Variants in DSCAM observed in about 807,000 individuals in gnomAD.
The protein encoded by DSCAM is DS cell adhesion molecule.
DSCAM carries 47 observed loss-of-function variants against 217.7 expected under a neutral mutation model. That is an observed-to-expected ratio of 0.22 (90% CI 0.17 to 0.28). DSCAM has a LOEUF of 0.28. Ranked by LOEUF, DSCAM falls within the 10% of genes least tolerant of loss-of-function variation. DSCAM has a pLI of 1.00. For missense variants in DSCAM, 2,080 were observed against 2,618.3 expected (o/e 0.79, Z 4.49); for synonymous variants, 1,056 against 1,015.3 (o/e 1.04, Z -0.76).
chr21:40,446,554 G>C (rs189722490), intron 3 of DSCAM, among the ~76,000 whole-genome samples: 1 of 152,150 alleles, frequency 6.6e-6, no homozygotes, highest in East Asian at 1.9e-4. Context: ...AAGGAAGAGC[G>C]ATTCCCAGTC....
rs563071108 is a variant in DSCAM, at chr21:40,181,413, G to A, written c.2780-2319C>T. On this transcript the variant is annotated intron_variant, in intron 14 of 32. Transcript: ENST00000400454. ...GCCCAGAAACCTGTGCTTTTAAAAA[G>A]GCTCCCTATCTTGGTCATTCCGATG... Among the ~76,000 whole-genome samples the A allele has an allele frequency of 9.2e-5, 14 of 152,172 alleles. No individual in the cohort carries two copies. In the South Asian group the frequency reaches 1.5e-3, roughly 16 times the overall value.
intron 1 of DSCAM, among the ~76,000 whole-genome samples, chr21:40,778,777 C>A (rs997149928): frequency 6.6e-6 from 1 of 151,990 alleles, no homozygotes; most frequent in African/African-American, 2.4e-5. Context: ...GTAATCCCAG[C>A]ACTTTGGGAG....
intron 15 of DSCAM, among the ~76,000 whole-genome samples, chr21:40,177,009 T>C (rs985258192): frequency 6.6e-6 from 1 of 152,224 alleles, no homozygotes; most frequent in Admixed American, 6.5e-5. Flanking sequence ...AAATGCTGTT[T>C]TCCCGAGGAG....
At chr21:40,181,412 A>G (rs2090799710) in intron 14 of DSCAM, among the ~76,000 whole-genome samples, 1 of 152,140 alleles carries the variant, frequency 6.6e-6, no homozygotes, top group African/African-American at 2.4e-5. Context: ...GCTTTTAAAA[A>G]GGCTCCCTAT....
At chr21:40,311,960 T>TTTTTTTAAA in intron 9 of DSCAM, 121 bp downstream of exon 9, 1 of 321,030 alleles carries the variant, frequency 3.1e-6, no homozygotes, top group Non-Finnish European at 4.8e-6. Flanking sequence ...TTTTTTTTTT[T>TTTTTTTAAA]AGTGAGATAA....
intron 27 of DSCAM, among the ~76,000 whole-genome samples, chr21:40,064,719 G>A (rs1433620284): frequency 6.6e-6 from 1 of 152,174 alleles, no homozygotes; most frequent in Non-Finnish European, 1.5e-5. Context: ...TCGGAATTAT[G>A]AGCCCATTTG....
At chr21:40,519,793 G>A (rs76008165) in intron 3 of DSCAM, among the ~76,000 whole-genome samples, 2,599 of 152,060 alleles carry the variant, frequency 0.017, 58 homozygotes, top group African/African-American at 0.04. Context: ...ATGCCAGCTC[G>A]ACAATTGTGT....
At chr21:40,782,246 A>T (rs1238526729) in intron 1 of DSCAM, among the ~76,000 whole-genome samples, 1 of 152,118 alleles carries the variant, frequency 6.6e-6, no homozygotes, top group Middle Eastern at 3.4e-3. Context: ...TCCAAGCCCA[A>T]CTCCAATGGT....
At chr21:40,324,132 G>GAAA (rs796310854) in intron 8 of DSCAM, among the ~76,000 whole-genome samples, 1 of 80,162 alleles carries the variant, frequency 1.2e-5, no homozygotes, top group African/African-American at 4.9e-5. Context: ...AAAAAAAAAA[G>GAAA]AAAAAAAAAA....
At chr21:40,368,012 C>A (rs984828472) in intron 4 of DSCAM, among the ~76,000 whole-genome samples, 2 of 152,106 alleles carry the variant, frequency 1.3e-5, no homozygotes, top group African/African-American at 4.8e-5. Flanking sequence ...ATTTAAAAAT[C>A]AACACTTGAT....
intron 3 of DSCAM, among the ~76,000 whole-genome samples, chr21:40,664,660 C>T (rs956529955): frequency 1.3e-5 from 2 of 152,214 alleles, no homozygotes; most frequent in Admixed American, 1.3e-4. Context: ...GCTCCACAGA[C>T]GTGGAGTGCC....
intron 3 of DSCAM, chr21:40,384,852 GAAAAAGTACCAA>G (rs2075066898): frequency 6.6e-6 from 1 of 152,014 alleles, no homozygotes; most frequent in African/African-American, 2.4e-5. Context: ...TTATTTAACT[GAAAAAGTACCAA>G]TCACCCACAT....
At chr21:40,400,170 G>A (rs559989539) in intron 3 of DSCAM, among the ~76,000 whole-genome samples, 4 of 152,182 alleles carry the variant, frequency 2.6e-5, no homozygotes, top group Non-Finnish European at 5.9e-5. Flanking sequence ...ACCATAAAGA[G>A]GTTTCATTAT....
At chr21:40,590,799 T>C (rs1354871090) in intron 3 of DSCAM, among the ~76,000 whole-genome samples, 1 of 152,166 alleles carries the variant, frequency 6.6e-6, no homozygotes, top group African/African-American at 2.4e-5. Flanking sequence ...TAGAGGGGTA[T>C]TGCCCTGTCT....
intron 27 of DSCAM, among the ~76,000 whole-genome samples, chr21:40,070,794 C>G (rs1415044725): frequency 6.6e-6 from 1 of 152,214 alleles, no homozygotes; most frequent in Non-Finnish European, 1.5e-5. Context: ...ACAATGATTT[C>G]TCATAACCTA....
At chr21:40,548,046 G>A (rs1427569467) in intron 3 of DSCAM, among the ~76,000 whole-genome samples, 1 of 152,204 alleles carries the variant, frequency 6.6e-6, no homozygotes, top group Non-Finnish European at 1.5e-5. Flanking sequence ...CAGAGCTGCG[G>A]AGGAGCGGGG....
chr21:40,566,461 C>T (rs2076765377), intron 3 of DSCAM, among the ~76,000 whole-genome samples: 1 of 152,248 alleles, frequency 6.6e-6, no homozygotes, highest in Non-Finnish European at 1.5e-5. Flanking sequence ...TTCATTGACT[C>T]TTGCAAGCTT....
intron 3 of DSCAM, among the ~76,000 whole-genome samples, chr21:40,493,854 A>C (rs2076095251): frequency 1.1e-5 from 1 of 87,040 alleles, no homozygotes; most frequent in Admixed American, 1.5e-4. Context: ...CAAGAGCAAA[A>C]CTCCATCTCA....
intron 1 of DSCAM, among the ~76,000 whole-genome samples, chr21:40,779,012 G>A (rs1041377746): frequency 2.9e-5 from 3 of 104,472 alleles, no homozygotes; most frequent in Admixed American, 2.9e-4. Flanking sequence ...CAACAAGAGC[G>A]AAACTCCATC....
Sources: allele counts gnomAD v4.1 joint callset (sites outside exome capture counted in the v4.1 genomes callset), GRCh38; gene constraint gnomAD v4.1.1; transcripts MANE v1.5; gene names NCBI Gene and HGNC (gene_info 2026-07-23, HGNC 2026-07-21).